Variants in MICAL3 observed in about 807,000 individuals in gnomAD.
MICAL3 encodes microtubule associated monooxygenase, calponin and LIM domain containing 3.
MICAL3 carries 62 observed loss-of-function variants against 207.4 expected under a neutral mutation model. That is an observed-to-expected ratio of 0.30 (90% CI 0.24 to 0.37). The LOEUF (loss-of-function observed/expected upper bound fraction) is 0.37, where lower values mean the gene tolerates loss of function less well. MICAL3 is among the 10% of genes least tolerant of loss of function. MICAL3 has a pLI of 1.00. For synonymous variants in MICAL3, 1,077 were observed against 1,069.3 expected, an observed-to-expected ratio of 1.01 and a Z score of -0.14; for missense variants, 2,368 against 2,635.6, an observed-to-expected ratio of 0.90 and a Z score of 2.22.
intron 19 of MICAL3, among the ~76,000 whole-genome samples, chr22:17,848,154 C>T (rs1924839026): frequency 6.6e-6 from 1 of 152,224 alleles, no homozygotes; most frequent in Admixed American, 6.5e-5. Flanking sequence ...TCCAGATCTG[C>T]AGCAAAATCG....
intron 1 of MICAL3, among the ~76,000 whole-genome samples, chr22:17,921,146 CAA>C (rs2146297440): frequency 6.6e-6 from 1 of 152,292 alleles, no homozygotes; most frequent in South Asian, 2.1e-4. Flanking sequence ...AGACAGAACT[CAA>C]AGTCATCTCT....
chr22:17,897,422 CAAAAAAAAAAAAA>C (rs71754131), intron 7 of MICAL3, among the ~76,000 whole-genome samples: 1 of 41,798 alleles, frequency 2.4e-5, no homozygotes, highest in Non-Finnish European at 4.7e-5. Flanking sequence ...GACTCCAACT[CAAAAAAAAAAAAA>C]AAAAAAAAAA....
Position 17,827,788 on chromosome 22 carries a change from T to C in MICAL3, c.3056-7A>G. On this transcript the variant is annotated splice_region_variant and splice_polypyrimidine_tract_variant and intron_variant, in intron 21 of 31. Transcript: ENST00000441493. ...TGGAGCCTCTGGTTCCCGGCTAGTG[T>C]CCCAGGGTCAAGGGGTGGAGAAATG... 6.5e-7 allele frequency: 1 copy of C among 1,544,328 alleles called. No individual in the cohort carries two copies. Among genetic ancestry groups the C allele is most frequent in the South Asian group, 1.2e-5 (1 of 83,898 alleles).
At chr22:17,909,195 G>A (rs1283992123) in intron 1 of MICAL3, among the ~76,000 whole-genome samples, 4 of 152,152 alleles carry the variant, frequency 2.6e-5, no homozygotes, top group Non-Finnish European at 5.9e-5. Context: ...AATATATCAC[G>A]TACTCAACAA....
chr22:17,901,109 T>G (rs1028026273), intron 5 of MICAL3, 112 bp from the exon 6 acceptor site: 3 of 1,032,314 alleles, frequency 2.9e-6, no homozygotes, highest in Admixed American at 1.9e-5. Flanking sequence ...GGATGAGAAC[T>G]GATGGGAAAG....
chr22:17,897,586 A>T (rs1385774280), intron 7 of MICAL3, among the ~76,000 whole-genome samples: 1 of 152,114 alleles, frequency 6.6e-6, no homozygotes, highest in Non-Finnish European at 1.5e-5. Flanking sequence ...TCTGAGTATC[A>T]CATACCTGAC....
Position 17,900,134 on chromosome 22 carries a change from G to C in MICAL3, c.848-586C>G, listed in dbSNP as rs1014285397. On this transcript the variant is annotated intron_variant, in intron 6 of 31. Transcript: ENST00000441493. The surrounding 1 kb of genome is among the most constrained non-coding windows in gnomAD (Gnocchi z 4.0). ...TGACACACGGTTTGCCTTCAAGCCT[G>C]AGCTGGAACTCAGGAAGAAGACTAC... is the stretch of plus-strand genomic sequence containing the variant. Among the ~76,000 whole-genome samples, 1 of 152,202 alleles carries C rather than the reference G, an allele frequency of 6.6e-6. No individual in the cohort carries two copies. The highest frequency in any genetic ancestry group is 2.4e-5 in the African/African-American group (1 of 41,440).
At chr22:18,007,749 C>T (rs957423482) in intron 1 of MICAL3, among the ~76,000 whole-genome samples, 7 of 151,172 alleles carry the variant, frequency 4.6e-5, no homozygotes, top group East Asian at 2.0e-4. Context: ...GTCAGGTGAT[C>T]GGGACCATCC....
chr22:17,876,958 AGGTTAGG>A (rs1320936524), intron 16 of MICAL3: 13 of 130,568 alleles, frequency 1.0e-4, no homozygotes, highest in Admixed American at 2.2e-4. Context: ...GAGGTTATGG[AGGTTAGG>A]GAGGTTATGG....
chr22:17,898,622 G>C (rs1449351331), intron 7 of MICAL3, among the ~76,000 whole-genome samples: 3 of 152,254 alleles, frequency 2.0e-5, no homozygotes, highest in Admixed American at 6.5e-5. Flanking sequence ...GCACAGGCCT[G>C]AATCAGCACA....
At chr22:17,926,445 G>A (rs1021307698) in intron 1 of MICAL3, among the ~76,000 whole-genome samples, 1 of 152,208 alleles carries the variant, frequency 6.6e-6, no homozygotes, top group Admixed American at 6.5e-5. Context: ...AAGTAAAGAG[G>A]ATGCTCAGGG....
At chr22:17,810,189 A>T (rs1397626477) in intron 28 of MICAL3, among the ~76,000 whole-genome samples, 8 of 151,344 alleles carry the variant, frequency 5.3e-5, no homozygotes, top group Non-Finnish European at 1.0e-4. Context: ...CAGCCACCCG[A>T]GTAGCTGGGA....
At chr22:17,948,277 A>G (rs1934169668) in intron 1 of MICAL3, among the ~76,000 whole-genome samples, 1 of 152,260 alleles carries the variant, frequency 6.6e-6, no homozygotes, top group South Asian at 2.1e-4. Flanking sequence ...ATGTTTCCAC[A>G]GTGCCGCCAC....
At chr22:18,019,971 C>T (rs1758507744) in intron 1 of MICAL3, 2 of 151,598 alleles carry the variant, frequency 1.3e-5, no homozygotes, top group African/African-American at 4.8e-5. Context: ...CGCCACCTCG[C>T]CCAGCTAATT....
intron 29 of MICAL3, among the ~76,000 whole-genome samples, chr22:17,801,804 G>A (rs533360702): frequency 3.9e-4 from 60 of 152,228 alleles, no homozygotes; most frequent in Admixed American, 3.3e-3. Context: ...TGAGGCAGGA[G>A]AATCGCTTGA....
At position 17,857,074 on chromosome 22, in the gene MICAL3, C is replaced by T. The variant is rs548984287; in HGVS notation, c.2605+7825G>A. 2.6e-5 allele frequency among the ~76,000 whole-genome samples: 4 copies of T among 152,310 alleles called. No individual in the cohort carries two copies. The East Asian group carries it at 7.7e-4, about 29-fold the overall frequency. On this transcript the variant is annotated intron_variant, in intron 19 of 31. Transcript: ENST00000441493. Reference sequence around the variant, plus strand: ...ACAATAAATAAATTGCTGCCATAATCCTGTTAATCGATACCAGCTCTTCCT... The same window carrying T: ...ACAATAAATAAATTGCTGCCATAATTCTGTTAATCGATACCAGCTCTTCCT...
In MICAL3 at chr22:17,902,807, G is replaced by T; in HGVS notation, c.473-60C>A. On this transcript the variant is annotated intron_variant, in intron 3 of 31. Transcript: ENST00000441493. This position sits in a 1 kb window ranked among gnomAD's most constrained non-coding sequence, Gnocchi z 4.5. The stretch of plus-strand genomic sequence containing the variant: ...CATGGAGAAGGGGGTACCCATCCGT[G>T]TCGCAGCTCAGGCTCCCACCCCGCC... 9.2e-7 allele frequency: 1 copy of T among 1,092,612 alleles called. No homozygotes were observed. The highest frequency in any genetic ancestry group is 1.4e-6 in the Non-Finnish European group (1 of 736,680). The allele number at this position is 1,092,612 out of a possible 1,614,324, so 67.7% of individuals were successfully genotyped here.
chr22:17,828,558 A>T (rs534220415), intron 21 of MICAL3, among the ~76,000 whole-genome samples: 75 of 152,292 alleles, frequency 4.9e-4, no homozygotes, highest in African/African-American at 1.8e-3. Flanking sequence ...GGAATTTCAC[A>T]GGCGAGAATG....
chr22:17,943,746 A>T (rs1192145137), intron 1 of MICAL3, among the ~76,000 whole-genome samples: 1 of 152,228 alleles, frequency 6.6e-6, no homozygotes. Flanking sequence ...CCCATAGAGA[A>T]AACAATCAGT....
Sources: gnomAD v4.1 joint callset for allele counts (sites outside exome capture counted in the v4.1 genomes callset) on GRCh38, gnomAD v4.1.1 for gene constraint, Gnocchi (gnomAD v3.1) non-coding constraint, MANE v1.5 for transcripts, NCBI Gene and HGNC (gene_info 2026-07-23, HGNC 2026-07-21) for gene names.